XRCC5: variants seen among roughly 807,000 people sequenced by gnomAD.
XRCC5 encodes DNA repair protein Ku80.
A neutral mutation model predicts 95.7 loss-of-function variants in XRCC5; 12 were observed. The observed-to-expected ratio is 0.13, with a 90% CI of 0.08 to 0.20. The LOEUF is 0.20. XRCC5 is among the 10% of genes least tolerant of loss of function. The pLI, the probability that XRCC5 is intolerant of heterozygous loss-of-function variation, is 1.00. For synonymous variants in XRCC5, 281 were observed against 290.3 expected, an observed-to-expected ratio of 0.97 and a Z score of 0.33; for missense variants, 595 against 873.9, an observed-to-expected ratio of 0.68 and a Z score of 4.02.
At chr2:216,168,115 T>C (rs890987653) in intron 16 of XRCC5, among the ~76,000 whole-genome samples, 35 of 152,350 alleles carry the variant, frequency 2.3e-4, no homozygotes, top group African/African-American at 8.2e-4. Flanking sequence ...AGAGAATACT[T>C]GCTGAAAGGG....
intron 14 of XRCC5, among the ~76,000 whole-genome samples, chr2:216,158,030 G>A (rs1208013355): frequency 4.6e-5 from 7 of 152,188 alleles, no homozygotes; most frequent in Admixed American, 4.6e-4. Flanking sequence ...TTGTGCATAT[G>A]ACTGGGGCTA....
At chr2:216,153,869 A>C (rs1291762633) in intron 14 of XRCC5, among the ~76,000 whole-genome samples, 1 of 152,178 alleles carries the variant, frequency 6.6e-6, no homozygotes, top group Admixed American at 6.5e-5. Context: ...CATCAACTAA[A>C]TAGCTTAGGT....
intron 9 of XRCC5, chr2:216,131,236 G>A (rs1696989242): frequency 1.0e-6 from 1 of 985,290 alleles, no homozygotes; most frequent in Admixed American, 6.1e-5. Context: ...GGGAATGGAA[G>A]CGGAGATGAG....
At chr2:216,160,670 A>AATTC (rs1182145108) in intron 15 of XRCC5, among the ~76,000 whole-genome samples, 4 of 151,926 alleles carry the variant, frequency 2.6e-5, no homozygotes, top group Non-Finnish European at 4.4e-5. Context: ...TACCTTAATT[A>AATTC]ATTAATTAAT....
In XRCC5 at chr2:216,190,183, G is replaced by C. The variant is rs773381523; in HGVS notation, c.1835-42G>C. On this transcript the variant is annotated intron_variant, in intron 16 of 20. Coordinates refer to ENST00000392132, the MANE Select transcript of XRCC5 (RefSeq NM_021141.4). ...AACACAGAAGCATACCCTCTCTCAG[G>C]CATCACTCAAATCTAAGAAAATTTG... 2.6e-6 allele frequency: 4 copies of C among 1,541,942 alleles called. No individual in the cohort carries two copies. The African/African-American group carries it at 4.1e-5, about 16-fold the overall frequency.
rs1188378040 is a variant in XRCC5 at position 216,160,176 on chromosome 2, TC to T, written c.1764+16del. 6.4e-7 allele frequency: 1 copy of T among 1,563,370 alleles called. No homozygotes were observed. The highest frequency in any genetic ancestry group is 2.3e-5 in the East Asian group (1 of 42,876). Reference sequence around the variant, plus strand: ...GTGTCACCTCTGTAAGCTAAGCTTTTCAAGTGCGCTTCCCCCTTTGCAGGAA... The same window carrying T: ...GTGTCACCTCTGTAAGCTAAGCTTTTAAGTGCGCTTCCCCCTTTGCAGGAA... On this transcript the variant is annotated intron_variant, in intron 15 of 20. Coordinates refer to ENST00000392132, the MANE Select transcript of XRCC5 (RefSeq NM_021141.4).
At chr2:216,156,564 C>G (rs1292983500) in intron 14 of XRCC5, 2 of 595,216 alleles carry the variant, frequency 3.4e-6, no homozygotes, top group Non-Finnish European at 6.7e-6. Context: ...GTGAGGTTAG[C>G]TTTCCCATGG....
chr2:216,162,240 A>G (rs1574472698), intron 16 of XRCC5, among the ~76,000 whole-genome samples, 192 bp downstream of exon 16: 1 of 152,250 alleles, frequency 6.6e-6, no homozygotes, highest in East Asian at 1.9e-4. Flanking sequence ...CTCAGCACAG[A>G]TTTTCTCAAA....
At chr2:216,191,563 A>G (rs959779090) in intron 17 of XRCC5, among the ~76,000 whole-genome samples, 2 of 151,990 alleles carry the variant, frequency 1.3e-5, no homozygotes, top group Non-Finnish European at 2.9e-5. Context: ...GGCGCATGCC[A>G]CCACGCCCAG....
Position 216,160,180 on chromosome 2 carries a change from G to A in XRCC5, c.1764+19G>A, listed in dbSNP as rs1559251633. 2.2e-5 allele frequency: 34 copies of A among 1,557,106 alleles called. No homozygotes were observed. Among genetic ancestry groups the A allele is most frequent in the Non-Finnish European group, 2.8e-5 (32 of 1,145,182 alleles). On this transcript the variant is annotated intron_variant, in intron 15 of 20. Coordinates refer to ENST00000392132, the MANE Select transcript of XRCC5 (RefSeq NM_021141.4). The stretch of plus-strand genomic sequence containing the variant: ...CACCTCTGTAAGCTAAGCTTTTCAA[G>A]TGCGCTTCCCCCTTTGCAGGAAGGT...
intron 18 of XRCC5, 93 bp from the exon 19 acceptor site, chr2:216,194,826 C>T: frequency 8.5e-7 from 1 of 1,170,134 alleles, no homozygotes; most frequent in Non-Finnish European, 1.3e-6. Context: ...AAGAAATCTT[C>T]AGCTCAAAGG....
intron 9 of XRCC5, 64 bp from the exon 10 acceptor site, chr2:216,132,261 T>C (rs1325020293): frequency 6.8e-7 from 1 of 1,478,120 alleles, no homozygotes; most frequent in African/African-American, 1.4e-5. Flanking sequence ...TTCTTGGCAA[T>C]GTGTGTCATG....
intron 6 of XRCC5, among the ~76,000 whole-genome samples, chr2:216,123,710 G>A (rs1308522616): frequency 2.0e-5 from 3 of 152,156 alleles, no homozygotes; most frequent in African/African-American, 7.2e-5. Flanking sequence ...AGAGGCTGAG[G>A]CAAGTGAATC....
At chr2:216,142,675 G>A (rs536606295) in intron 13 of XRCC5, among the ~76,000 whole-genome samples, 1 of 152,284 alleles carries the variant, frequency 6.6e-6, no homozygotes, top group African/African-American at 2.4e-5. Context: ...TGCAGGTTGG[G>A]GGTAACAGGG....
At position 216,109,387 on chromosome 2, in the gene XRCC5, G is replaced by A. The variant is rs1401462285; in HGVS notation, c.-50G>A. On this transcript the variant is annotated 5_prime_UTR_variant, in exon 1 of 21. Coordinates refer to ENST00000392132, the MANE Select transcript of XRCC5 (RefSeq NM_021141.4). ...GTCCACCGGAAGCGAGTTGCGACAC[G>A]GCAGGTTCCCGCCCGGAAGAAGCGA... 6.2e-7 allele frequency: 1 copy of A among 1,612,910 alleles called. No individual in the cohort carries two copies. Among genetic ancestry groups the A allele is most frequent in the Admixed American group, 1.7e-5 (1 of 59,928 alleles).
chr2:216,145,915 A>G (rs1430202653), intron 13 of XRCC5, among the ~76,000 whole-genome samples: 6 of 152,180 alleles, frequency 3.9e-5, no homozygotes, highest in Non-Finnish European at 8.8e-5. Context: ...TGGGTGTTTG[A>G]TTACTGCTTT....
chr2:216,192,556 CCAAACTTTG>C, intron 17 of XRCC5, 74 bp from the exon 18 acceptor site: 1 of 898,576 alleles, frequency 1.1e-6, no homozygotes, highest in Non-Finnish European at 1.6e-6. Context: ...GTGATTCAGA[CCAAACTTTG>C]TTTGGTCTGG....
rs139838159 is a variant in XRCC5, at chr2:216,150,762, G to A, written c.1670+2486G>A. Among the ~76,000 whole-genome samples the A allele has an allele frequency of 5.5e-3, 830 of 152,218 alleles. 7 individuals are homozygous for A. The highest frequency in any genetic ancestry group is 0.019 in the African/African-American group (776 of 41,536). On this transcript the variant is annotated intron_variant, in intron 14 of 20. Coordinates refer to ENST00000392132, the MANE Select transcript of XRCC5 (RefSeq NM_021141.4). ...AAATGAACTGGGCGTGGTGGTGTGTGCCTATAGTCCCAGCTACTTGTGAGG... is the reference window on the plus strand; with the variant it reads ...AAATGAACTGGGCGTGGTGGTGTGTACCTATAGTCCCAGCTACTTGTGAGG...
chr2:216,147,230 C>T (rs1688653093), intron 13 of XRCC5, among the ~76,000 whole-genome samples: 1 of 152,000 alleles, frequency 6.6e-6, no homozygotes, highest in African/African-American at 2.4e-5. Context: ...ACAGAGGAGG[C>T]AGAGGTAGTG....
Sources: allele counts gnomAD v4.1 joint callset (sites outside exome capture counted in the v4.1 genomes callset), GRCh38; gene constraint gnomAD v4.1.1; transcripts MANE v1.5; gene names NCBI Gene and HGNC (gene_info 2026-07-23, HGNC 2026-07-21).